The following GPR143 variants were observed in gnomAD, a reference collection of about 807,000 sequenced individuals.
GPR143 encodes the protein G-protein coupled receptor 143.
In GPR143, 8 loss-of-function variants were observed where a neutral mutation model predicts 27.6. That is an observed-to-expected ratio of 0.29 (90% confidence interval 0.17 to 0.52). The LOEUF (loss-of-function observed/expected upper bound fraction) is 0.52, where lower values mean the gene tolerates loss of function less well. Among genes scored for constraint, GPR143 ranks in the 20% least tolerant of loss-of-function variants. The pLI, the probability that GPR143 is intolerant of heterozygous loss-of-function variation, is 0.96. For missense variants in GPR143, 303 were observed against 343.1 expected (o/e 0.88, Z 0.92); for synonymous variants, 156 against 153.2 (o/e 1.02, Z -0.13).
In GPR143 at chrX:9,765,749, G is replaced by A. The variant is rs2083529397; in HGVS notation, c.69C>T (p.Ser23=). The A allele has an allele frequency of 8.9e-7, 1 of 1,125,192 alleles. No individual in the cohort carries two copies. The highest frequency in any genetic ancestry group is 3.7e-5 in the East Asian group (1 of 26,992). The allele number at this position is 1,125,192 out of a possible 1,213,427, so 92.7% of individuals were successfully genotyped here. The change falls in exon 1 of 9, where the codon AGC becomes AGT. Residue 23 remains serine (S), a synonymous_variant. Coordinates refer to ENST00000467482, the MANE Select transcript of GPR143 (RefSeq NM_000273.3). ...GCGCGTGGAAGGCCCGCGGCTGGAA[G>A]CTCAGCACGAGCTGCGTGGCTGCGT... ...TRDAATQLVL[S]FQPRAFHALC...
At position 9,759,327 on chromosome X, in the gene GPR143, A is replaced by G. The variant is rs768418077; in HGVS notation, c.455+5T>C. The G allele has an allele frequency of 7.1e-6, 8 of 1,130,850 alleles. No individual in the cohort carries two copies. The Admixed American group carries it at 1.8e-4, about 26-fold the overall frequency. The allele number at this position is 1,130,850 out of a possible 1,213,427, so 93.2% of individuals were successfully genotyped here. On this transcript the variant is annotated splice_donor_5th_base_variant and intron_variant, in intron 3 of 8. Transcript: ENST00000467482. ...GGGCAGAAATCCCATTTCCTCGGTG[A>G]ATACCTCAGTCCTGCCGATCTCCGG...
At chrX:9,770,160 CAAAAAAAAAAAAAAAAAA>C (rs55901901), upstream of GPR143, among the ~76,000 whole-genome samples, 2 of 26,828 alleles carry the variant, frequency 7.5e-5, no homozygotes, top group African/African-American at 1.7e-4. Flanking sequence ...CTCCCCCAGT[CAAAAAAAAAAAAAAAAAA>C]AAAAAAAAAA....
chrX:9,731,517 G>GA (rs1240354787), intron 8 of GPR143, among the ~76,000 whole-genome samples: 1 of 111,370 alleles, frequency 9.0e-6, no homozygotes, highest in African/African-American at 3.3e-5. Context: ...GACTCATGGG[G>GA]AAAAAATGGT....
At chrX:9,740,060 G>A (rs1423994847) in intron 7 of GPR143, among the ~76,000 whole-genome samples, 1 of 110,441 alleles carries the variant, frequency 9.1e-6, no homozygotes, top group Non-Finnish European at 1.9e-5. Context: ...TGGGAGGAGA[G>A]GGTGGGGGAG....
chrX:9,740,753 C>CTTTTTTTTTT (rs374177494), intron 7 of GPR143: 3 of 178,153 alleles, frequency 1.7e-5, no homozygotes, highest in African/African-American at 3.7e-5. Context: ...TTCTTTCTTT[C>CTTTTTTTTTT]TTTTTTTTTT....
intron 2 of GPR143, 54 bp downstream of exon 2, chrX:9,760,663 C>T (rs776830036): frequency 1.5e-4 from 99 of 646,555 alleles, no homozygotes; most frequent in South Asian, 1.5e-3. Context: ...GCTGCTGCTG[C>T]GATTTGAGGA....
chrX:9,764,504 GCACACACACACACACACACACACACA>G (rs201690882), intron 1 of GPR143, among the ~76,000 whole-genome samples: 5 of 99,094 alleles, frequency 5.0e-5, no homozygotes, highest in East Asian at 3.3e-4. Context: ...TTACACACGC[GCACACACACACACACACACACACACA>G]CACACACACA....
At chrX:9,726,036 T>C in intron 8 of GPR143, 196 bp from the exon 9 acceptor site, 1 of 676,144 alleles carries the variant, frequency 1.5e-6, no homozygotes, top group Non-Finnish European at 1.7e-6. Context: ...ACATCAACTT[T>C]CCATCTACAT....
At chrX:9,755,464 AAAG>A (rs1172845830) in intron 3 of GPR143, among the ~76,000 whole-genome samples, 1 of 110,029 alleles carries the variant, frequency 9.1e-6, no homozygotes, top group Non-Finnish European at 1.9e-5. Flanking sequence ...AGAAAAGAAA[AAAG>A]AAACTAAGAG....
intron 8 of GPR143, among the ~76,000 whole-genome samples, chrX:9,732,943 A>G (rs1484608439): frequency 9.0e-6 from 1 of 110,669 alleles, no homozygotes; most frequent in Non-Finnish European, 1.9e-5. Flanking sequence ...ATTGTTAGAG[A>G]AATATGGTAC....
intron 8 of GPR143, among the ~76,000 whole-genome samples, chrX:9,731,264 G>A (rs751706324): frequency 8.0e-4 from 89 of 111,486 alleles, no homozygotes; most frequent in Admixed American, 2.2e-3. Context: ...GGAACTTAGG[G>A]AGCCTGAGGC....
upstream of GPR143, among the ~76,000 whole-genome samples, chrX:9,770,243 G>A (rs899530478): frequency 1.9e-5 from 2 of 102,812 alleles, no homozygotes; most frequent in Non-Finnish European, 3.9e-5. Flanking sequence ...AGGCTGAGGC[G>A]GGCAGATCAC....
intron 1 of GPR143, among the ~76,000 whole-genome samples, chrX:9,763,487 GTGA>G (rs749104776): frequency 2.7e-5 from 3 of 110,611 alleles, no homozygotes; most frequent in Non-Finnish European, 3.8e-5. Flanking sequence ...CAAAAATAAA[GTGA>G]TAATGATATT....
intron 3 of GPR143, among the ~76,000 whole-genome samples, chrX:9,755,037 T>C (rs2083467587): frequency 9.0e-6 from 1 of 111,608 alleles, no homozygotes; most frequent in Non-Finnish European, 1.9e-5. Flanking sequence ...TTTCCCTCAG[T>C]AACATAACCT....
At chrX:9,732,181 A>C (rs141975804) in intron 8 of GPR143, among the ~76,000 whole-genome samples, 1,236 of 111,640 alleles carry the variant, frequency 0.011, 15 homozygotes, top group African/African-American at 0.039. Flanking sequence ...AGATTGTGAG[A>C]TGAATAGGGA....
At position 9,748,602 on chromosome X, in the gene GPR143, C is replaced by T. The variant is rs1322688403; in HGVS notation, c.520G>A (p.Ala174Thr). Reference protein sequence around the residue: ...LATLLCVEGAAMLYYPSVSRC... With the variant: ...LATLLCVEGATMLYYPSVSRC... ...GACACGGAAGGGTAGTAGAGCATGG[C>T]GGCTCCCTCCACACAGAGCAGGGTG... is the stretch of plus-strand genomic sequence containing the variant. Residue 174 changes from alanine to threonine, a missense_variant, in exon 4 of 9, where the codon GCC (alanine) becomes ACC (threonine). Transcript: ENST00000467482. 2.5e-6 allele frequency: 3 copies of T among 1,206,000 alleles called. No homozygotes were observed. Among genetic ancestry groups the T allele is most frequent in the Admixed American group, 2.2e-5 (1 of 46,077 alleles).
chrX:9,765,390 C>A (rs1214769645), intron 1 of GPR143, among the ~76,000 whole-genome samples, 178 bp downstream of exon 1: 1 of 111,668 alleles, frequency 9.0e-6, no homozygotes, highest in Non-Finnish European at 1.9e-5. Flanking sequence ...GCGCCCTCAG[C>A]CCTGCACCGG....
intron 3 of GPR143, among the ~76,000 whole-genome samples, chrX:9,757,834 G>C (rs757278470): frequency 9.0e-6 from 1 of 111,232 alleles, no homozygotes; most frequent in Admixed American, 9.7e-5. Context: ...ACAGTGACAC[G>C]ATCATGTGCT....
rs888134139 is a variant in GPR143, at chrX:9,752,460, T to A, written c.456-3794A>T. Among the ~76,000 whole-genome samples, 3 of 111,993 alleles carry A rather than the reference T, an allele frequency of 2.7e-5. No homozygotes were observed. In the East Asian group the frequency reaches 8.3e-4, roughly 31 times the overall value. ...TCCCTGTCCTAATTTCTGGAACCTG[T>A]GAATATGTTCCCTTATATGGCAAAA... is the stretch of plus-strand genomic sequence containing the variant. On this transcript the variant is annotated intron_variant, in intron 3 of 8. Coordinates refer to ENST00000467482, the MANE Select transcript of GPR143 (RefSeq NM_000273.3).
Sources: allele counts gnomAD v4.1 joint callset (sites outside exome capture counted in the v4.1 genomes callset), GRCh38; gene constraint gnomAD v4.1.1; transcripts MANE v1.5; gene names NCBI Gene and HGNC (gene_info 2026-07-23, HGNC 2026-07-21).